NOL4: variants seen among roughly 807,000 people sequenced by gnomAD.
NOL4 encodes nucleolar protein 4.
A neutral mutation model predicts 75.9 loss-of-function variants in NOL4; 17 were observed. The ratio of observed to expected loss-of-function variants is 0.22; its 90% CI spans 0.15 to 0.34. NOL4 has a LOEUF of 0.34. NOL4 is among the 10% of genes least tolerant of loss of function. The pLI is 1.00. For missense variants in NOL4, 614 were observed against 793.5 expected, an observed-to-expected ratio of 0.77 and a Z score of 2.72; for synonymous variants, 292 against 289.9, an observed-to-expected ratio of 1.01 and a Z score of -0.07.
chr18:34,046,607 C>CATATATATATATATATATAT (rs35281852), intron 5 of NOL4, among the ~76,000 whole-genome samples: 1,482 of 81,376 alleles, frequency 0.018, 161 homozygotes, highest in African/African-American at 0.022. Flanking sequence ...TTTACTTATA[C>CATATATATATATATATATAT]ATATATATAT....
intron 4 of NOL4, among the ~76,000 whole-genome samples, chr18:34,099,276 T>C (rs1170459596): frequency 6.8e-6 from 1 of 147,932 alleles, no homozygotes; most frequent in East Asian, 2.0e-4. Context: ...GGCAGGAGAA[T>C]TGCTTGAACC....
At chr18:34,112,520 C>A (rs970404035) in intron 2 of NOL4, among the ~76,000 whole-genome samples, 3 of 151,866 alleles carry the variant, frequency 2.0e-5, no homozygotes, top group Admixed American at 2.0e-4. Flanking sequence ...AAATATTATT[C>A]ATCCCCAAAA....
chr18:33,951,980 T>C (rs777950242), intron 8 of NOL4, among the ~76,000 whole-genome samples: 57 of 152,210 alleles, frequency 3.7e-4, no homozygotes, highest in Non-Finnish European at 6.8e-4. Flanking sequence ...CATTTACTTT[T>C]TCTATCTTTC....
chr18:34,092,578 C>T (rs1465775808), intron 5 of NOL4, among the ~76,000 whole-genome samples: 1 of 152,182 alleles, frequency 6.6e-6, no homozygotes, highest in East Asian at 1.9e-4. Context: ...TAGCAACTGT[C>T]AGAGAAAGCA....
rs190354650 is a variant in NOL4 at position 34,034,275 on chromosome 18, A to G, written c.773-14674T>C. 1.1e-3 allele frequency among the ~76,000 whole-genome samples: 151 copies of G among 135,216 alleles called. 2 individuals are homozygous for G. Among genetic ancestry groups the G allele is most frequent in the African/African-American group, 3.5e-3 (135 of 38,468 alleles). 88.7% of individuals were successfully genotyped at this position (135,216 alleles called of 152,430 possible). On this transcript the variant is annotated intron_variant, in intron 5 of 10. Coordinates refer to ENST00000261592, the MANE Select transcript of NOL4 (RefSeq NM_003787.5). The stretch of plus-strand genomic sequence containing the variant: ...CAGGAACAAAATCTCACACATCAGT[A>G]ACAAGCTTGAATGTAAATGAATTAG...
At chr18:33,883,959 C>T (rs377195314) in intron 9 of NOL4, among the ~76,000 whole-genome samples, 114 of 152,060 alleles carry the variant, frequency 7.5e-4, no homozygotes, top group Non-Finnish European at 1.2e-3. Context: ...TGGGGAGGAG[C>T]TACTGGGGAG....
At chr18:34,197,227 A>G (rs2035394012) in intron 1 of NOL4, among the ~76,000 whole-genome samples, 1 of 152,020 alleles carries the variant, frequency 6.6e-6, no homozygotes, top group Non-Finnish European at 1.5e-5. Flanking sequence ...GAAAGCTATG[A>G]TCTTTATCCT....
chr18:33,880,608 T>G lies in NOL4; in HGVS notation c.1723+2636A>C, dbSNP rs2064206940. ...CCATTGACATTGACAAACTATCTTC[T>G]GGAGACCCATGCGTCCTTTCCATGT... is the stretch of plus-strand genomic sequence containing the variant. On this transcript the variant is annotated intron_variant, in intron 10 of 10. Transcript: ENST00000261592. 4.6e-5 allele frequency among the ~76,000 whole-genome samples: 7 copies of G among 152,070 alleles called. 1 individual carries two copies. The South Asian group carries it at 1.4e-3, about 31-fold the overall frequency.
chr18:33,952,356 A>G (rs16965046), intron 8 of NOL4, among the ~76,000 whole-genome samples: 2,167 of 152,320 alleles, frequency 0.014, 55 homozygotes, highest in African/African-American at 0.05. Flanking sequence ...TTAGTGAACC[A>G]AGAGACAACC....
At chr18:33,914,399 G>C (rs891625530) in intron 9 of NOL4, among the ~76,000 whole-genome samples, 2 of 152,090 alleles carry the variant, frequency 1.3e-5, no homozygotes, top group African/African-American at 4.8e-5. Flanking sequence ...TCTAAGTGCA[G>C]CCTTTTAGAG....
At chr18:34,192,453 C>T (rs947998456) in intron 1 of NOL4, among the ~76,000 whole-genome samples, 8 of 152,056 alleles carry the variant, frequency 5.3e-5, no homozygotes, top group East Asian at 3.9e-4. Context: ...TACCTGACTT[C>T]GAAATACACT....
chr18:33,867,999 A>G (rs192932510), intron 10 of NOL4, among the ~76,000 whole-genome samples: 4 of 151,264 alleles, frequency 2.6e-5, no homozygotes, highest in African/African-American at 9.7e-5. Context: ...GTCCACCTAC[A>G]TTAGGGAGGG....
intron 6 of NOL4, among the ~76,000 whole-genome samples, chr18:33,978,230 C>A (rs940206737): frequency 6.6e-6 from 1 of 152,076 alleles, no homozygotes; most frequent in Non-Finnish European, 1.5e-5. Context: ...TATATGTCTA[C>A]CTTTTCTAGA....
At chr18:34,103,708 A>C (rs772159540) in intron 4 of NOL4, among the ~76,000 whole-genome samples, 15 of 152,008 alleles carry the variant, frequency 9.9e-5, no homozygotes, top group Non-Finnish European at 1.5e-4. Context: ...TTTCCTTAGA[A>C]TCTCAATTAT....
intron 6 of NOL4, among the ~76,000 whole-genome samples, chr18:33,987,176 G>T (rs1343661612): frequency 1.3e-5 from 2 of 151,970 alleles, no homozygotes; most frequent in Non-Finnish European, 2.9e-5. Flanking sequence ...GGTGAATTTT[G>T]TTGTATATAA....
intron 2 of NOL4, among the ~76,000 whole-genome samples, chr18:34,118,928 C>T (rs1231453456): frequency 6.6e-6 from 1 of 152,092 alleles, no homozygotes; most frequent in Non-Finnish European, 1.5e-5. Context: ...TTTATTTATT[C>T]AGCAAATATC....
intron 2 of NOL4, among the ~76,000 whole-genome samples, chr18:34,107,951 A>G (rs2079388091): frequency 6.6e-6 from 1 of 152,284 alleles, no homozygotes; most frequent in Admixed American, 6.5e-5. Context: ...ACGGTTTCAC[A>G]TTATATATGT....
intron 10 of NOL4, among the ~76,000 whole-genome samples, chr18:33,862,664 G>GA (rs913390119): frequency 2.0e-5 from 3 of 152,144 alleles, no homozygotes; most frequent in African/African-American, 7.2e-5. Flanking sequence ...AAAAACACAT[G>GA]AAAAAATGCT....
chr18:34,150,235 T>C (rs911585298), intron 1 of NOL4, among the ~76,000 whole-genome samples: 3 of 151,668 alleles, frequency 2.0e-5, no homozygotes, highest in African/African-American at 7.2e-5. Flanking sequence ...TTGAGAATAG[T>C]GCCCTCAAAA....
Sources: gnomAD v4.1 joint callset for allele counts (sites outside exome capture counted in the v4.1 genomes callset) on GRCh38, gnomAD v4.1.1 for gene constraint, MANE v1.5 for transcripts, NCBI Gene and HGNC (gene_info 2026-07-23, HGNC 2026-07-21) for gene names.